ATP2C2: variants seen among roughly 807,000 people sequenced by gnomAD.
ATP2C2 encodes the protein ATPase secretory pathway Ca2+ transporting 2.
Under a neutral mutation model 110.8 loss-of-function variants are expected in ATP2C2, and 171 were observed. That is an observed-to-expected ratio of 1.54 (90% confidence interval 1.36 to 1.75). ATP2C2 has a LOEUF of 1.75. Among genes scored for constraint, ATP2C2 ranks in the 40% most tolerant of loss-of-function variants. ATP2C2 has a pLI of 0.00. For synonymous variants in ATP2C2, 804 were observed against 508.4 expected (o/e 1.58, Z -7.82); for missense variants, 1,963 against 1,235.0 (o/e 1.59, Z -8.84).
Position 84,423,225 on chromosome 16 carries a change from T to G in ATP2C2, c.881T>G (p.Leu294Arg). ...KTPLQKSMDR[L>R]GKQLTLFSFG... ...CCTTTGCAGAAAAGCATGGACAGGC[T>G]AGGAAAGCAACTGACACTCTTCTCC... is the stretch of plus-strand genomic sequence containing the variant. Residue 294 changes from leucine (L) to arginine (R), a missense_variant, in exon 10 of 27, where the codon CTA (leucine) becomes CGA (arginine). Physicochemically the swap from Leu to Arg is moderately radical, Grantham distance 102 (BLOSUM62 -2). Coordinates refer to ENST00000262429, the MANE Select transcript of ATP2C2 (RefSeq NM_014861.4). The G allele has an allele frequency of 6.2e-7, 1 of 1,614,120 alleles. No individual in the cohort carries two copies. Among genetic ancestry groups the G allele is most frequent in the South Asian group, 1.1e-5 (1 of 91,080 alleles).
chr16:84,461,966 C>A, intron 25 of ATP2C2, 22 bp from the exon 26 acceptor site: 1 of 1,611,724 alleles, frequency 6.2e-7, no homozygotes, highest in South Asian at 1.1e-5. Context: ...ACACAATCCC[C>A]CGTGTGACCT....
Position 84,425,784 on chromosome 16 carries a change from G to A in ATP2C2, c.969G>A (p.Met323Ile). 6.2e-7 allele frequency: 1 copy of A among 1,614,144 alleles called. No homozygotes were observed. The highest frequency in any genetic ancestry group is 8.5e-7 in the Non-Finnish European group (1 of 1,180,034). Residue 323 changes from methionine (M) to isoleucine (I), a missense_variant, in exon 11 of 27, where the codon ATG becomes ATA. Physicochemically the swap from Met to Ile is conservative, Grantham distance 10. Transcript: ENST00000262429. The part of the protein sequence containing the change: ...GWSQGKQLLS[M>I]FTIGVSLAVA... ...CGCAAGGGAAACAACTCCTGAGTATGTTCACGATCGGGGTCAGGTAAGAGT... is the reference window on the plus strand; with the variant it reads ...CGCAAGGGAAACAACTCCTGAGTATATTCACGATCGGGGTCAGGTAAGAGT...
chr16:84,380,434 G>A (rs1449069721), intron 1 of ATP2C2, among the ~76,000 whole-genome samples: 3 of 151,854 alleles, frequency 2.0e-5, no homozygotes, highest in Non-Finnish European at 4.4e-5. Context: ...AATAAAAATT[G>A]GCACAATTTA....
chr16:84,445,454 C>G (rs1159794446), intron 15 of ATP2C2, among the ~76,000 whole-genome samples: 1 of 152,256 alleles, frequency 6.6e-6, no homozygotes, highest in Non-Finnish European at 1.5e-5. Context: ...GTGATCCACC[C>G]GCCTCGGCTG....
At chr16:84,459,632 T>C in intron 23 of ATP2C2, 5 of 1,485,876 alleles carry the variant, frequency 3.4e-6, no homozygotes, top group Non-Finnish European at 4.5e-6. Context: ...CTGGATGCTC[T>C]CTCTGGGCAA....
At chr16:84,460,971 G>T in intron 24 of ATP2C2, 170 bp downstream of exon 24, 1 of 992,648 alleles carries the variant, frequency 1.0e-6, no homozygotes, top group Non-Finnish European at 1.4e-6. Context: ...CAAAGGGACT[G>T]GGTGACCCTT....
In ATP2C2 at chr16:84,410,607, A is replaced by C; in HGVS notation, c.453+4A>C. 6.2e-7 allele frequency: 1 copy of C among 1,613,992 alleles called. No individual in the cohort carries two copies. Among genetic ancestry groups the C allele is most frequent in the Non-Finnish European group, 8.5e-7 (1 of 1,179,972 alleles). On this transcript the variant is annotated splice_donor_region_variant and intron_variant, in intron 5 of 26. Transcript: ENST00000262429. Reference sequence around the variant, plus strand: ...GGTCACTGTCGCCTTCATCCAGGTGAGTATTTCCTGAGGTCCCAGTCAGGG... The same window carrying C: ...GGTCACTGTCGCCTTCATCCAGGTGCGTATTTCCTGAGGTCCCAGTCAGGG...
intron 1 of ATP2C2, among the ~76,000 whole-genome samples, chr16:84,381,903 C>T (rs12445007): frequency 0.072 from 10,901 of 152,298 alleles, 492 homozygotes; most frequent in Middle Eastern, 0.11. Context: ...TCACACAGCT[C>T]TTCATGGAAT....
chr16:84,415,540 C>A lies in ATP2C2; in HGVS notation c.573C>A (p.Val191=), dbSNP rs375031013. 5.6e-5 allele frequency: 90 copies of A among 1,614,030 alleles called. No individual in the cohort carries two copies. Among genetic ancestry groups the A allele is most frequent in the Admixed American group, 1.0e-4 (6 of 60,008 alleles). ...LLARELVPGD[V]VSLSIGDRIP... is the part of the protein sequence containing the mutation. Reference sequence around the variant, plus strand: ...CTCGAGAACTGGTTCCTGGTGATGTCGTATCTCTCTCGATCGGAGACCGGA... The same window carrying A: ...CTCGAGAACTGGTTCCTGGTGATGTAGTATCTCTCTCGATCGGAGACCGGA... The change falls in exon 7 of 27, where the codon GTC becomes GTA. Residue 191 remains valine, a synonymous_variant. Coordinates refer to ENST00000262429, the MANE Select transcript of ATP2C2 (RefSeq NM_014861.4).
chr16:84,389,339 C>T (rs1904511317), intron 1 of ATP2C2, among the ~76,000 whole-genome samples: 1 of 152,232 alleles, frequency 6.6e-6, no homozygotes, highest in Non-Finnish European at 1.5e-5. Context: ...GGGGCCCGCC[C>T]ATCTCCTTCG....
Position 84,423,089 on chromosome 16 carries a change from A to G in ATP2C2, c.844-99A>G, listed in dbSNP as rs1312345065. On this transcript the variant is annotated intron_variant, in intron 9 of 26. Coordinates refer to ENST00000262429, the MANE Select transcript of ATP2C2 (RefSeq NM_014861.4). ...GACATATGTGTACCCCTGTGTAATCATCACTGAAGCTGTAGGATGGCAAGG... is the reference window on the plus strand; with the variant it reads ...GACATATGTGTACCCCTGTGTAATCGTCACTGAAGCTGTAGGATGGCAAGG... 1.9e-5 allele frequency: 19 copies of G among 991,602 alleles called. No homozygotes were observed. In the Admixed American group the frequency reaches 2.8e-4, roughly 15 times the overall value. The allele number at this position is 991,602 out of a possible 1,614,324, so 61.4% of individuals were successfully genotyped here. A position where few individuals can be genotyped will look rare whatever the true frequency, so the allele number is the denominator to read the frequency against.
At chr16:84,368,949 G>A (rs1909793634) in intron 1 of ATP2C2, among the ~76,000 whole-genome samples, 1 of 152,238 alleles carries the variant, frequency 6.6e-6, no homozygotes, top group Non-Finnish European at 1.5e-5. Context: ...AACTGAGGCC[G>A]AGAGTGGTTA....
rs1567713668 is a variant in ATP2C2 at position 84,423,246 on chromosome 16, T to C, written c.902T>C (p.Phe301Ser). The C allele has an allele frequency of 6.2e-7, 1 of 1,614,064 alleles. No individual in the cohort carries two copies. The highest frequency in any genetic ancestry group is 1.1e-5 in the South Asian group (1 of 91,068). Residue 301 changes from phenylalanine to serine, a missense_variant, in exon 10 of 27, where the codon TTC becomes TCC. Transcript: ENST00000262429. The stretch of plus-strand genomic sequence containing the variant: ...AGGCTAGGAAAGCAACTGACACTCT[T>C]CTCCTTTGGCATAATCGGTGAGTGA... ...MDRLGKQLTL[F>S]SFGIIGLIML... is the part of the protein sequence containing the mutation.
chr16:84,453,535 G>T (rs998440148), intron 20 of ATP2C2, among the ~76,000 whole-genome samples, 164 bp downstream of exon 20: 1 of 152,262 alleles, frequency 6.6e-6, no homozygotes, highest in South Asian at 2.1e-4. Context: ...TCATAGCCAG[G>T]GGGAGGGGAG....
At chr16:84,371,565 G>T (rs537713366) in intron 1 of ATP2C2, among the ~76,000 whole-genome samples, 1 of 152,330 alleles carries the variant, frequency 6.6e-6, no homozygotes, top group Non-Finnish European at 1.5e-5. Context: ...ACTAGAAAAA[G>T]CTTCTCACTG....
intron 4 of ATP2C2, among the ~76,000 whole-genome samples, chr16:84,410,004 C>G (rs536461810): frequency 1.1e-4 from 16 of 151,978 alleles, no homozygotes; most frequent in Non-Finnish European, 2.1e-4. Flanking sequence ...GTCAGGAGAT[C>G]GAGACCATCC....
Position 84,415,709 on chromosome 16 carries a change from G to T in ATP2C2, c.624+118G>T, listed in dbSNP as rs563986937. The T allele has an allele frequency of 6.5e-5, 49 of 756,118 alleles. No individual in the cohort carries two copies. In the African/African-American group the frequency reaches 7.6e-4, roughly 12 times the overall value. The allele number at this position is 756,118 out of a possible 1,614,324, so 46.8% of individuals were successfully genotyped here. The stretch of plus-strand genomic sequence containing the variant: ...CATACACACATGCTCAAACATACAT[G>T]CACATGCATACACACAAGACAGGAA... On this transcript the variant is annotated intron_variant, in intron 7 of 26. Transcript: ENST00000262429.
chr16:84,459,395 G>C lies in ATP2C2; in HGVS notation c.2333+9G>C, dbSNP rs112183850. On this transcript the variant is annotated intron_variant, in intron 23 of 26. Transcript: ENST00000262429. ...GGGCCACCGGCGCAGAGGTGAGGCA[G>C]GGCCGGCTGGGAGCCCTGTGTCTCT... is the stretch of plus-strand genomic sequence containing the variant. The C allele has an allele frequency of 2.4e-5, 39 of 1,612,802 alleles. No individual in the cohort carries two copies. In the African/African-American group the frequency reaches 4.9e-4, roughly 20 times the overall value.
At chr16:84,369,611 A>T (rs1049166320) in intron 1 of ATP2C2, among the ~76,000 whole-genome samples, 1 of 152,112 alleles carries the variant, frequency 6.6e-6, no homozygotes, top group African/African-American at 2.4e-5. Context: ...CCTTTTGACC[A>T]GTGAAAGGAA....
Sources: gnomAD v4.1 joint callset for allele counts (sites outside exome capture counted in the v4.1 genomes callset) on GRCh38, gnomAD v4.1.1 for gene constraint, MANE v1.5 for transcripts, NCBI Gene and HGNC (gene_info 2026-07-23, HGNC 2026-07-21) for gene names.